Variants in CSRP1 observed in about 807,000 individuals in gnomAD.
CSRP1 encodes cysteine and glycine-rich protein 1.
CSRP1 carries 16 observed loss-of-function variants against 25.4 expected under a neutral mutation model. That is an observed-to-expected ratio of 0.63 (90% CI 0.43 to 0.96). The LOEUF is 0.96. Ranked by LOEUF, CSRP1 falls within the 40% of genes least tolerant of loss-of-function variation. CSRP1 has a pLI of 0.00. For missense variants in CSRP1, 212 were observed against 243.6 expected (o/e 0.87, Z 0.86); for synonymous variants, 97 against 95.3 (o/e 1.02, Z -0.10).
intron 1 of CSRP1, among the ~76,000 whole-genome samples, chr1:201,503,267 A>T (rs1399199659): frequency 4.6e-5 from 7 of 152,220 alleles, no homozygotes; most frequent in African/African-American, 1.4e-4. Flanking sequence ...AAATTAACAG[A>T]TGGGGTTTCC....
intron 2 of CSRP1, among the ~76,000 whole-genome samples, chr1:201,494,869 T>G (rs1010588413): frequency 3.3e-4 from 51 of 152,260 alleles, no homozygotes; most frequent in African/African-American, 1.2e-3. Flanking sequence ...CATGTGTGTG[T>G]GCATATCATT....
chr1:201,502,137 A>G (rs1194108631), intron 1 of CSRP1, among the ~76,000 whole-genome samples: 3 of 152,132 alleles, frequency 2.0e-5, no homozygotes, highest in Non-Finnish European at 4.4e-5. Flanking sequence ...AACCCTTCAA[A>G]ACCATCCCAT....
chr1:201,499,111 G>C (rs1452306004), intron 1 of CSRP1, among the ~76,000 whole-genome samples: 3 of 152,186 alleles, frequency 2.0e-5, no homozygotes, highest in African/African-American at 7.2e-5. Flanking sequence ...ATGTTGCACT[G>C]TTCCTTCAGC....
At chr1:201,488,802 CA>C in intron 4 of CSRP1, 52 bp downstream of exon 4, 1 of 1,598,902 alleles carries the variant, frequency 6.3e-7, no homozygotes, top group Non-Finnish European at 8.6e-7. Flanking sequence ...CTGGAATCCA[CA>C]TTTCAGGAAG....
chr1:201,502,614 A>G (rs779453989), intron 1 of CSRP1, among the ~76,000 whole-genome samples: 1 of 152,224 alleles, frequency 6.6e-6, no homozygotes, highest in Non-Finnish European at 1.5e-5. Context: ...CGCCTCTCTG[A>G]AAAGGTAACC....
intron 4 of CSRP1, chr1:201,487,005 C>T: frequency 7.7e-7 from 1 of 1,298,430 alleles, no homozygotes; most frequent in Non-Finnish European, 1.0e-6. Flanking sequence ...ATTGTGACCT[C>T]AAAATAATCC....
At chr1:201,501,665 A>C (rs981434014) in intron 1 of CSRP1, among the ~76,000 whole-genome samples, 10 of 152,138 alleles carry the variant, frequency 6.6e-5, no homozygotes, top group African/African-American at 1.9e-4. Flanking sequence ...GAGAAGAAAA[A>C]GGTCACAGAC....
chr1:201,499,564 A>G (rs114748023), intron 1 of CSRP1, among the ~76,000 whole-genome samples: 5,293 of 152,204 alleles, frequency 0.035, 297 homozygotes, highest in African/African-American at 0.12. Context: ...TGGCACCCAC[A>G]CTGCCATGGA....
chr1:201,505,349 A>G (rs1006420063), intron 1 of CSRP1, among the ~76,000 whole-genome samples: 16 of 152,342 alleles, frequency 1.1e-4, no homozygotes, highest in African/African-American at 3.6e-4. Flanking sequence ...CTCCAGAGGC[A>G]GATGCACATG....
At chr1:201,496,556 C>T (rs1664521614) in intron 1 of CSRP1, 1 of 526,208 alleles carries the variant, frequency 1.9e-6, no homozygotes, top group Non-Finnish European at 3.4e-6. Context: ...CAGCCCTGTG[C>T]TAGGCACTCT....
chr1:201,496,833 A>G (rs1664529400), intron 1 of CSRP1, among the ~76,000 whole-genome samples: 2 of 152,228 alleles, frequency 1.3e-5, no homozygotes, highest in Non-Finnish European at 2.9e-5. Context: ...TTTACCTTAG[A>G]AGAGTTACCT....
chr1:201,487,520 A>G (rs1664186212), intron 4 of CSRP1: 1 of 152,268 alleles, frequency 6.6e-6, no homozygotes, highest in South Asian at 2.1e-4. Context: ...GAGCTGAAGA[A>G]CTGAGGCTTA....
rs1223813162 is a variant in CSRP1, at chr1:201,507,106, C to G, written c.-38G>C. On this transcript the variant is annotated 5_prime_UTR_variant, in exon 1 of 6. Transcript: ENST00000340006. ...CTCGGCGGCGCAGGGGCGGCAGGCG[C>G]TCTCGGAAGTGGCGGCTGGGTGCGC... is the stretch of plus-strand genomic sequence containing the variant. 1 of 152,216 alleles carries G rather than the reference C, an allele frequency of 6.6e-6. No homozygotes were observed. Among genetic ancestry groups the G allele is most frequent in the Non-Finnish European group, 1.5e-5 (1 of 68,068 alleles). The allele number at this position is 152,216 out of a possible 1,614,324, so 9.4% of individuals were successfully genotyped here.
At position 201,484,085 on chromosome 1, in the gene CSRP1, A is replaced by C; in HGVS notation, c.*628T>G. The C allele has an allele frequency of 1.5e-6, 1 of 682,132 alleles. No individual in the cohort carries two copies. Among genetic ancestry groups the C allele is most frequent in the Non-Finnish European group, 2.7e-6 (1 of 368,260 alleles). 42.3% of individuals were successfully genotyped at this position (682,132 alleles called of 1,614,324 possible). ...TTAAGACCTGGGTTATTCTCCTCCC[A>C]GTCCTAGTGGGAGGCTATCCATTCC... On this transcript the variant is annotated 3_prime_UTR_variant, in exon 6 of 6. Transcript: ENST00000340006.
intron 1 of CSRP1, among the ~76,000 whole-genome samples, chr1:201,499,251 G>C (rs1006294881): frequency 6.6e-6 from 1 of 152,146 alleles, no homozygotes; most frequent in Admixed American, 6.5e-5. Context: ...CCTGATCATC[G>C]GCCATTTCCC....
rs576470657 is a variant in CSRP1, at chr1:201,505,219, T to C, written c.-2+1851A>G. ...ATTTGCAAGGTTTATGAGTATCCCG[T>C]AGGCCAACTCAGCTGAAAGACCATT... On this transcript the variant is annotated intron_variant, in intron 1 of 5. Coordinates refer to ENST00000340006, the MANE Select transcript of CSRP1 (RefSeq NM_004078.3). Among the ~76,000 whole-genome samples, 10 of 152,300 alleles carry C rather than the reference T, an allele frequency of 6.6e-5. No individual in the cohort carries two copies. The South Asian group carries it at 2.1e-3, about 32-fold the overall frequency.
intron 4 of CSRP1, 195 bp downstream of exon 4, chr1:201,488,660 T>A (rs945688138): frequency 1.9e-6 from 1 of 519,516 alleles, no homozygotes; most frequent in African/African-American, 1.9e-5. Flanking sequence ...GGGATGTTAC[T>A]GCTCATGGCT....
chr1:201,487,533 A>T (rs919779264), intron 4 of CSRP1: 12 of 152,376 alleles, frequency 7.9e-5, no homozygotes, highest in African/African-American at 2.9e-4. Flanking sequence ...GAGGCTTAGG[A>T]AGGCTAAATT....
chr1:201,501,277 C>T (rs181777541), intron 1 of CSRP1, among the ~76,000 whole-genome samples: 209 of 152,296 alleles, frequency 1.4e-3, no homozygotes, highest in African/African-American at 4.8e-3. Flanking sequence ...ATGGAAGGAG[C>T]GAGGCTTAAG....
Sources: allele counts gnomAD v4.1 joint callset (sites outside exome capture counted in the v4.1 genomes callset), GRCh38; gene constraint gnomAD v4.1.1; transcripts MANE v1.5; gene names NCBI Gene and HGNC (gene_info 2026-07-23, HGNC 2026-07-21).